The following AMELX variants were observed in gnomAD, a reference collection of about 807,000 sequenced individuals.
The protein encoded by AMELX is amelogenin X-linked.
A neutral mutation model predicts 15.8 loss-of-function variants in AMELX; 9 were observed. The ratio of observed to expected loss-of-function variants is 0.57; its 90% CI spans 0.34 to 0.99. AMELX has a LOEUF of 0.99. AMELX is among the 50% of genes least tolerant of loss of function. AMELX has a pLI of 0.02. For missense variants in AMELX, 107 were observed against 156.2 expected (o/e 0.68, Z 1.68); for synonymous variants, 61 against 58.8 (o/e 1.04, Z -0.17).
Position 11,298,845 on chromosome X carries a change from C to T in AMELX, c.442C>T (p.Pro148Ser). The part of the protein sequence containing the change: ...QPMQPQPPVH[P>S]MQPLPPQPPL... The stretch of plus-strand genomic sequence containing the variant: ...CATGCAGCCCCAGCCACCTGTGCAC[C>T]CCATGCAGCCCCTGCCGCCACAGCC... The change falls in exon 5 of 6, where the codon CCC (proline) becomes TCC (serine). Residue 148 changes from proline to serine, a missense_variant. Physicochemically the swap from Pro to Ser is moderately conservative, Grantham distance 74. Transcript: ENST00000380714. 2 of 1,210,904 alleles carry T rather than the reference C, an allele frequency of 1.7e-6. No individual in the cohort carries two copies. The highest frequency in any genetic ancestry group is 1.8e-5 in the South Asian group (1 of 56,874).
At chrX:11,304,175 C>T (rs1295389576), downstream of AMELX, among the ~76,000 whole-genome samples, 5 of 110,177 alleles carry the variant, frequency 4.5e-5, no homozygotes, top group Non-Finnish European at 7.6e-5. Flanking sequence ...CTGCAACTTC[C>T]GCCTCCTGGG....
At chrX:11,305,372 TAAAAA>T (rs1004852740), downstream of AMELX, among the ~76,000 whole-genome samples, 5 of 112,122 alleles carry the variant, frequency 4.5e-5, no homozygotes, top group African/African-American at 1.6e-4. Context: ...ATCTATAAAA[TAAAAA>T]AAGTAAATTA....
chrX:11,304,889 C>T (rs1361940806), downstream of AMELX, among the ~76,000 whole-genome samples: 1 of 99,958 alleles, frequency 1.0e-5, no homozygotes, highest in African/African-American at 3.8e-5. Context: ...CAAATTCAAG[C>T]GATTCCCCTG....
At chrX:11,309,214 A>G in the AMELX span, among the ~76,000 whole-genome samples, 1 of 111,785 alleles carries the variant, frequency 8.9e-6, no homozygotes, top group African/African-American at 3.3e-5. Flanking sequence ...CGAAACACAG[A>G]GCCTGAAATA....
Position 11,298,817 on chromosome X carries a change from G to A in AMELX, c.414G>A (p.Gln138=). The part of the protein sequence containing the change: ...QPQPVQPQPH[Q]PMQPQPPVHP... ...AGCCTGTTCAGCCACAGCCTCACCA[G>A]CCCATGCAGCCCCAGCCACCTGTGC... Residue 138 remains glutamine, a synonymous_variant, in exon 5 of 6, where the codon CAG becomes CAA. Coordinates refer to ENST00000380714, the MANE Select transcript of AMELX (RefSeq NM_001142.2). The A allele has an allele frequency of 1.7e-6, 2 of 1,210,562 alleles. No individual in the cohort carries two copies. Among genetic ancestry groups the A allele is most frequent in the Non-Finnish European group, 2.2e-6 (2 of 895,157 alleles).
rs754218426 is a variant in AMELX, at chrX:11,298,223, T to A, written c.103-13T>A. On this transcript the variant is annotated splice_polypyrimidine_tract_variant and intron_variant, in intron 3 of 5. Transcript: ENST00000380714. ...ATTAAATCAAATGGGTTCTAATATC[T>A]TTTTCTCTTAAGGTGCTTACCCCTT... 21 of 1,210,989 alleles carry A rather than the reference T, an allele frequency of 1.7e-5. No homozygotes were observed. The highest frequency in any genetic ancestry group is 2.0e-5 in the Non-Finnish European group (18 of 894,793).
At chrX:11,306,145 C>T in the AMELX span, among the ~76,000 whole-genome samples, 1 of 111,769 alleles carries the variant, frequency 8.9e-6, no homozygotes, top group Non-Finnish European at 1.9e-5. Flanking sequence ...TGAGGTTCCC[C>T]TGTCTCCTTG....
chrX:11,294,238 T>C (rs1346827734), intron 1 of AMELX, among the ~76,000 whole-genome samples: 1 of 111,049 alleles, frequency 9.0e-6, no homozygotes, highest in Non-Finnish European at 1.9e-5. Flanking sequence ...TTGCCTGAAG[T>C]TCTGTAGATA....
Position 11,300,598 on chromosome X carries a change from T to A in AMELX, c.571-9T>A. On this transcript the variant is annotated splice_polypyrimidine_tract_variant and intron_variant, in intron 5 of 5. Coordinates refer to ENST00000380714, the MANE Select transcript of AMELX (RefSeq NM_001142.2). ...ATTATTTTAACTGTTCTTTTGCAAT[T>A]TTTTTCAGGATTAAAAGATCAGAAG... The A allele has an allele frequency of 8.4e-7, 1 of 1,194,318 alleles. No homozygotes were observed. Among genetic ancestry groups the A allele is most frequent in the Non-Finnish European group, 1.1e-6 (1 of 880,817 alleles).
the AMELX span, among the ~76,000 whole-genome samples, chrX:11,307,736 A>G: frequency 8.9e-6 from 1 of 112,291 alleles, no homozygotes; most frequent in African/African-American, 3.2e-5. Flanking sequence ...AGGATTTACA[A>G]TGACACTTGG....
At chrX:11,298,022 A>G in intron 3 of AMELX, 2 of 955,044 alleles carry the variant, frequency 2.1e-6, no homozygotes, top group Non-Finnish European at 3.0e-6. Flanking sequence ...AAAGATGAAG[A>G]ATGTGTGTGA....
rs201340651 is a variant in AMELX, at chrX:11,295,317, GT to G, written c.54+476del. On this transcript the variant is annotated intron_variant, in intron 2 of 5. Transcript: ENST00000380714. ...TTACCCCTCAGGGGGTAAGATTTTTGTGTTAGGAATCCACTTTTTGAGCCAC... is the reference window on the plus strand; with the variant it reads ...TTACCCCTCAGGGGGTAAGATTTTTGGTTAGGAATCCACTTTTTGAGCCAC... 8.7e-3 allele frequency among the ~76,000 whole-genome samples: 975 copies of G among 111,534 alleles called. 17 individuals are homozygous for G. Among genetic ancestry groups the G allele is most frequent in the African/African-American group, 0.03 (914 of 30,659 alleles).
chrX:11,306,924 G>T, the AMELX span, among the ~76,000 whole-genome samples: 1 of 111,610 alleles, frequency 9.0e-6, no homozygotes, highest in African/African-American at 3.3e-5. Flanking sequence ...CAAAGATGGG[G>T]AGGAGACAGC....
At chrX:11,301,443 T>C (rs1356161040), downstream of AMELX, among the ~76,000 whole-genome samples, 1 of 111,805 alleles carries the variant, frequency 8.9e-6, no homozygotes. Flanking sequence ...ATTTGAATCC[T>C]TTTTTCTTCC....
At chrX:11,299,116 A>G in intron 5 of AMELX, 143 bp downstream of exon 5, 1 of 775,529 alleles carries the variant, frequency 1.3e-6, no homozygotes, top group South Asian at 2.4e-5. Flanking sequence ...TCCAAGCAAT[A>G]TGCTATACCT....
the AMELX span, among the ~76,000 whole-genome samples, chrX:11,309,184 C>T: frequency 2.7e-5 from 3 of 112,003 alleles, no homozygotes; most frequent in Non-Finnish European, 5.6e-5. Context: ...TGGGTCCTAC[C>T]TTGCTTCTAG....
chrX:11,299,007 C>A, intron 5 of AMELX, 34 bp downstream of exon 5: 1 of 1,197,561 alleles, frequency 8.4e-7, no homozygotes, highest in Non-Finnish European at 1.1e-6. Context: ...CAATGCAAAT[C>A]CTGTGAAAAT....
the AMELX span, among the ~76,000 whole-genome samples, chrX:11,306,681 A>T: frequency 8.9e-6 from 1 of 112,321 alleles, no homozygotes; most frequent in African/African-American, 3.2e-5. Context: ...AGATAAACTA[A>T]TTCGTCATCC....
chrX:11,300,072 C>T (rs1006265595), intron 5 of AMELX, among the ~76,000 whole-genome samples: 4 of 111,849 alleles, frequency 3.6e-5, no homozygotes, highest in African/African-American at 6.5e-5. Flanking sequence ...CCCAAGTAAT[C>T]GGTGCCTATC....
Sources: allele counts gnomAD v4.1 joint callset (sites outside exome capture counted in the v4.1 genomes callset), GRCh38; gene constraint gnomAD v4.1.1; transcripts MANE v1.5; gene names NCBI Gene and HGNC (gene_info 2026-07-23, HGNC 2026-07-21).